The following STK32A variants were observed in gnomAD, a reference collection of about 807,000 sequenced individuals.
STK32A encodes the protein serine/threonine-protein kinase 32A.
STK32A carries 41 observed loss-of-function variants against 53.2 expected under a neutral mutation model. The observed-to-expected ratio is 0.77, with a 90% CI of 0.60 to 1.00. The LOEUF (loss-of-function observed/expected upper bound fraction) is 1.00. Ranked by LOEUF, STK32A falls within the 50% of genes least tolerant of loss-of-function variation. STK32A has a pLI of 0.00. For missense variants in STK32A, 458 were observed against 485.8 expected, an observed-to-expected ratio of 0.94 and a Z score of 0.54; for synonymous variants, 166 against 162.8, an observed-to-expected ratio of 1.02 and a Z score of -0.15.
At chr5:147,399,303 A>C in the STK32A span, 1 of 1,562,140 alleles carries the variant, frequency 6.4e-7, no homozygotes. Context: ...ATATATATCA[A>C]TTCAGGGCTT....
chr5:147,315,232 C>G (rs1211481054), intron 4 of STK32A, among the ~76,000 whole-genome samples: 1 of 152,130 alleles, frequency 6.6e-6, no homozygotes, highest in Non-Finnish European at 1.5e-5. Context: ...AATATTTACT[C>G]AAAATAATTG....
intron 7 of STK32A, among the ~76,000 whole-genome samples, chr5:147,355,786 G>GTATATATATA (rs1421118282): frequency 6.2e-5 from 8 of 128,352 alleles, no homozygotes; most frequent in African/African-American, 2.8e-4. Context: ...GTGTGAGTGT[G>GTATATATATA]TGTGTGTATA....
At chr5:147,277,072 T>C (rs1751765090) in intron 2 of STK32A, among the ~76,000 whole-genome samples, 1 of 152,230 alleles carries the variant, frequency 6.6e-6, no homozygotes, top group Non-Finnish European at 1.5e-5. Context: ...TTGAAGGCAC[T>C]CTAGCCAAAC....
chr5:147,356,433 T>C (rs1756242787), intron 7 of STK32A, among the ~76,000 whole-genome samples: 1 of 152,194 alleles, frequency 6.6e-6, no homozygotes, highest in African/African-American at 2.4e-5. Flanking sequence ...ATAGTATATA[T>C]TGTTCTCACT....
In STK32A at chr5:147,384,548, T is replaced by A. The variant is rs1043207794; in HGVS notation, c.*565T>A. On this transcript the variant is annotated 3_prime_UTR_variant, in exon 13 of 13. Transcript: ENST00000397936. ...GATGGATGAGGGCCTTCCAGTGATA[T>A]GCGTGAATCAGCATTAGATCCGCTT... is the stretch of plus-strand genomic sequence containing the variant. The A allele has an allele frequency of 1.4e-4, 124 of 865,930 alleles. No homozygotes were observed. The highest frequency in any genetic ancestry group is 2.3e-5 in the Non-Finnish European group (13 of 563,720). 53.6% of individuals were successfully genotyped at this position (865,930 alleles called of 1,614,324 possible). A position where few individuals can be genotyped will look rare whatever the true frequency, so the allele number is the denominator to read the frequency against.
intron 2 of STK32A, among the ~76,000 whole-genome samples, chr5:147,245,534 T>G (rs72822038): frequency 0.041 from 6,182 of 152,156 alleles, 176 homozygotes; most frequent in Middle Eastern, 0.099. Context: ...AAAAAGAAAT[T>G]TTTACAGGAG....
At chr5:147,400,596 C>T in the STK32A span, 3 of 1,501,048 alleles carry the variant, frequency 2.0e-6, no homozygotes, top group South Asian at 3.9e-5. Context: ...CCCATCTGCA[C>T]TCGCAGTGTC....
At chr5:147,260,238 CTG>C (rs1488846717) in intron 2 of STK32A, among the ~76,000 whole-genome samples, 7 of 124,952 alleles carry the variant, frequency 5.6e-5, no homozygotes, top group African/African-American at 1.5e-4. Flanking sequence ...CTCTCTGTCT[CTG>C]TCTCTCTCTC....
the STK32A span, chr5:147,399,378 G>A: frequency 5.3e-6 from 6 of 1,142,012 alleles, no homozygotes; most frequent in African/African-American, 9.5e-5. Context: ...CTGAAAAGCT[G>A]GTGAGCTACA....
chr5:147,336,929 G>C (rs1189800910), intron 5 of STK32A, among the ~76,000 whole-genome samples: 13 of 152,176 alleles, frequency 8.5e-5, no homozygotes, highest in Admixed American at 8.5e-4. Flanking sequence ...AAAGGCCATG[G>C]GACACTGAAG....
At chr5:147,383,864 A>G (rs1037341765) in intron 12 of STK32A, 26 bp from the exon 13 acceptor site, 4 of 1,433,326 alleles carry the variant, frequency 2.8e-6, no homozygotes, top group South Asian at 2.6e-5. Context: ...AGAATAAAAC[A>G]TCTTTTTTTT....
At chr5:147,370,877 C>T in intron 9 of STK32A, 107 bp downstream of exon 9, 2 of 667,356 alleles carry the variant, frequency 3.0e-6, no homozygotes, top group Non-Finnish European at 5.3e-6. Flanking sequence ...TGATAGTATA[C>T]ATTTGTAGAG....
At chr5:147,392,611 A>G (rs1191265869), downstream of STK32A, 1 of 152,246 alleles carries the variant, frequency 6.6e-6, no homozygotes, top group East Asian at 1.9e-4. Flanking sequence ...CTTGCTCCAA[A>G]ACTGAATTTT....
chr5:147,338,165 T>C (rs1385261569), intron 5 of STK32A, among the ~76,000 whole-genome samples: 1 of 152,220 alleles, frequency 6.6e-6, no homozygotes, highest in Admixed American at 6.5e-5. Context: ...TCTCCATTTG[T>C]CATAGGAAGA....
intron 2 of STK32A, among the ~76,000 whole-genome samples, chr5:147,276,811 G>C (rs1468881751): frequency 6.6e-6 from 1 of 152,118 alleles, no homozygotes; most frequent in Non-Finnish European, 1.5e-5. Context: ...TTAGTACAAG[G>C]TGTTTTCTTC....
intron 7 of STK32A, among the ~76,000 whole-genome samples, chr5:147,351,977 C>A (rs1756008027): frequency 2.6e-5 from 4 of 152,164 alleles, no homozygotes; most frequent in Admixed American, 6.5e-5. Flanking sequence ...ATAAACTTTA[C>A]AAAATACATT....
intron 2 of STK32A, among the ~76,000 whole-genome samples, chr5:147,257,251 C>T (rs949202189): frequency 1.5e-5 from 2 of 130,602 alleles, no homozygotes; most frequent in Non-Finnish European, 1.6e-5. Flanking sequence ...ACGTCGGGGG[C>T]GGGGCGGGGG....
intron 4 of STK32A, among the ~76,000 whole-genome samples, chr5:147,293,716 T>C (rs908513231): frequency 6.6e-6 from 1 of 151,950 alleles, no homozygotes; most frequent in Admixed American, 6.6e-5. Context: ...AGGGACAGCA[T>C]GAGGCAAACT....
At chr5:147,302,678 CATTTATAGAATAAGA>C (rs1436363181) in intron 4 of STK32A, among the ~76,000 whole-genome samples, 1 of 152,014 alleles carries the variant, frequency 6.6e-6, no homozygotes, top group African/African-American at 2.4e-5. Context: ...CTCTTCTAGT[CATTTATAGAATAAGA>C]ACAATGAGGA....
Sources: allele counts gnomAD v4.1 joint callset (sites outside exome capture counted in the v4.1 genomes callset), GRCh38; gene constraint gnomAD v4.1.1; transcripts MANE v1.5; gene names NCBI Gene and HGNC (gene_info 2026-07-23, HGNC 2026-07-21).